Variants in CLNK observed in about 807,000 individuals in gnomAD.
The protein encoded by CLNK is cytokine dependent hematopoietic cell linker.
CLNK carries 74 observed loss-of-function variants against 68.6 expected under a neutral mutation model. That is an observed-to-expected ratio of 1.08 (90% CI 0.89 to 1.31). CLNK has a LOEUF of 1.31. CLNK is among the 50% of genes most tolerant of loss of function. The pLI, the probability that CLNK is intolerant of heterozygous loss-of-function variation, is 0.00. For synonymous variants in CLNK, 198 were observed against 172.2 expected, an observed-to-expected ratio of 1.15 and a Z score of -1.17; for missense variants, 553 against 515.3, an observed-to-expected ratio of 1.07 and a Z score of -0.71.
intron 8 of CLNK, among the ~76,000 whole-genome samples, chr4:10,543,993 C>A (rs1041422882): frequency 1.1e-4 from 16 of 152,164 alleles, no homozygotes; most frequent in African/African-American, 3.4e-4. Flanking sequence ...GCTTAAGGGA[C>A]AAAATTATAA....
the CLNK span, among the ~76,000 whole-genome samples, chr4:10,694,043 C>T: frequency 6.6e-6 from 1 of 151,968 alleles, no homozygotes; most frequent in South Asian, 2.1e-4. Flanking sequence ...AGATGGTGTA[C>T]CAGCTTCTTC....
chr4:10,535,243 G>C (rs996017749), intron 11 of CLNK, among the ~76,000 whole-genome samples: 2 of 151,034 alleles, frequency 1.3e-5, no homozygotes, highest in East Asian at 1.9e-4. Context: ...AAGAAAGAAA[G>C]AAAGAAAGAA....
At chr4:10,511,399 G>A (rs974047230) in intron 16 of CLNK, among the ~76,000 whole-genome samples, 4 of 152,174 alleles carry the variant, frequency 2.6e-5, no homozygotes, top group African/African-American at 9.7e-5. Flanking sequence ...ATTTTTAGGT[G>A]TATAATTCAG....
chr4:10,578,910 C>T (rs1358119498), intron 4 of CLNK, among the ~76,000 whole-genome samples: 1 of 152,128 alleles, frequency 6.6e-6, no homozygotes, highest in African/African-American at 2.4e-5. Flanking sequence ...ATAAGATCAG[C>T]ACTGTGTAGC....
At chr4:10,491,628 G>C (rs1365419656) in intron 18 of CLNK, among the ~76,000 whole-genome samples, 2 of 142,598 alleles carry the variant, frequency 1.4e-5, no homozygotes, top group Non-Finnish European at 3.2e-5. Context: ...GAAGTGCTTT[G>C]TCAAGGACAC....
At chr4:10,724,035 T>C in the CLNK span, among the ~76,000 whole-genome samples, 637 of 152,206 alleles carry the variant, frequency 4.2e-3, 2 homozygotes, top group Admixed American at 0.01. Flanking sequence ...GAGCATAAGA[T>C]GCTTTGCGCG....
At chr4:10,636,151 A>G (rs766756701) in intron 2 of CLNK, among the ~76,000 whole-genome samples, 2 of 152,230 alleles carry the variant, frequency 1.3e-5, no homozygotes, top group Admixed American at 6.5e-5. Flanking sequence ...TGGGAGTCCA[A>G]ACCCCTGGTA....
At position 10,602,915 on chromosome 4, in the gene CLNK, T is replaced by C. The variant is rs566563158; in HGVS notation, c.12-4866A>G. On this transcript the variant is annotated intron_variant, in intron 2 of 18. Transcript: ENST00000226951. ...GTGACAACCAGTGAGGGGTTGAATT[T>C]GCCAGATGGATGACATGGCAAGTTG... 2.0e-5 allele frequency among the ~76,000 whole-genome samples: 3 copies of C among 152,352 alleles called. No individual in the cohort carries two copies. The East Asian group carries it at 5.8e-4, about 29-fold the overall frequency.
rs932058081 is a variant in CLNK at position 10,488,555 on chromosome 4, A to G, written c.*1912T>C. The G allele has an allele frequency of 6.6e-6, 1 of 152,238 alleles. No individual in the cohort carries two copies. Among genetic ancestry groups the G allele is most frequent in the African/African-American group, 2.4e-5 (1 of 41,456 alleles). The allele number at this position is 152,238 out of a possible 1,614,324, so 9.4% of individuals were successfully genotyped here. A position where few individuals can be genotyped will look rare whatever the true frequency, so the allele number is the denominator to read the frequency against. On this transcript the variant is annotated 3_prime_UTR_variant, in exon 19 of 19. Transcript: ENST00000226951. ...TGAGTTCTTTCGTATCCAAGCTCCA[A>G]TTTAAACACTCTTGTCTCTTGGTTC...
At chr4:10,507,439 TA>T (rs1171684989) in intron 17 of CLNK, among the ~76,000 whole-genome samples, 6 of 35,472 alleles carry the variant, frequency 1.7e-4, no homozygotes, top group Non-Finnish European at 2.6e-4. Flanking sequence ...TTTCTGTTTT[TA>T]TTTATTTATT....
At chr4:10,542,140 G>A (rs1421378884) in intron 9 of CLNK, 99 bp from the exon 10 acceptor site, 11 of 1,236,974 alleles carry the variant, frequency 8.9e-6, no homozygotes, top group Middle Eastern at 3.9e-4. Context: ...TACAAATTGT[G>A]ATCAGACTTA....
At chr4:10,638,212 C>T (rs1723171039) in intron 2 of CLNK, among the ~76,000 whole-genome samples, 2 of 152,158 alleles carry the variant, frequency 1.3e-5, no homozygotes, top group African/African-American at 4.8e-5. Flanking sequence ...ATACTGACAG[C>T]CACTATGCTC....
chr4:10,590,268 T>A (rs1202893895), intron 3 of CLNK, among the ~76,000 whole-genome samples: 1 of 152,174 alleles, frequency 6.6e-6, no homozygotes, highest in Non-Finnish European at 1.5e-5. Flanking sequence ...TAAAGGCTAC[T>A]AAAGTAAACT....
the CLNK span, among the ~76,000 whole-genome samples, chr4:10,700,304 T>C: frequency 6.6e-6 from 1 of 152,162 alleles, no homozygotes; most frequent in East Asian, 1.9e-4. Flanking sequence ...TACAAGAAAC[T>C]GAAGGTCATT....
chr4:10,494,341 A>G (rs868605624), intron 18 of CLNK, among the ~76,000 whole-genome samples: 1 of 152,216 alleles, frequency 6.6e-6, no homozygotes, highest in Non-Finnish European at 1.5e-5. Context: ...TCCCAAAATA[A>G]TACATTTGCT....
chr4:10,565,817 T>C (rs753345468), intron 6 of CLNK, among the ~76,000 whole-genome samples, 192 bp downstream of exon 6: 11 of 152,158 alleles, frequency 7.2e-5, no homozygotes, highest in Non-Finnish European at 1.3e-4. Context: ...GGTCAACTTC[T>C]ATTATTATGA....
the CLNK span, among the ~76,000 whole-genome samples, chr4:10,708,207 AG>A: frequency 6.6e-6 from 1 of 152,188 alleles, no homozygotes; most frequent in Non-Finnish European, 1.5e-5. Flanking sequence ...AACCTTTCAG[AG>A]CCCCAGTTTT....
At chr4:10,719,721 C>A in the CLNK span, among the ~76,000 whole-genome samples, 2 of 152,122 alleles carry the variant, frequency 1.3e-5, no homozygotes, top group Non-Finnish European at 2.9e-5. Context: ...ACCGTAGCAT[C>A]GAATCAACCT....
At position 10,489,783 on chromosome 4, in the gene CLNK, C is replaced by T. The variant is rs1390337549; in HGVS notation, c.*684G>A. 6.6e-5 allele frequency: 9 copies of T among 136,776 alleles called. No homozygotes were observed. The Admixed American group carries it at 7.1e-4, about 11-fold the overall frequency. 8.5% of individuals were successfully genotyped at this position (136,776 alleles called of 1,614,324 possible). A position where few individuals can be genotyped will look rare whatever the true frequency, so the allele number is the denominator to read the frequency against. On this transcript the variant is annotated 3_prime_UTR_variant, in exon 19 of 19. Coordinates refer to ENST00000226951, the MANE Select transcript of CLNK (RefSeq NM_052964.4). ...CCGGGTTCACACCATTCTCCTGCCT[C>T]AGCCTCCCGAGTAGCTGGGACTACA...
Sources: allele counts gnomAD v4.1 joint callset (sites outside exome capture counted in the v4.1 genomes callset), GRCh38; gene constraint gnomAD v4.1.1; transcripts MANE v1.5; gene names NCBI Gene and HGNC (gene_info 2026-07-23, HGNC 2026-07-21).